Variants in TULP3 observed in about 807,000 individuals in gnomAD.
TULP3 encodes tubby-related protein 3.
Under a neutral mutation model 50.7 loss-of-function variants are expected in TULP3, and 38 were observed. The observed-to-expected ratio is 0.75, with a 90% CI of 0.58 to 0.98. The LOEUF (loss-of-function observed/expected upper bound fraction) is 0.98, where lower values mean the gene tolerates loss of function less well. TULP3 is among the 50% of genes least tolerant of loss of function. TULP3 has a pLI of 0.00. For synonymous variants in TULP3, 183 were observed against 196.6 expected (o/e 0.93, Z 0.58); for missense variants, 550 against 568.0 (o/e 0.97, Z 0.32).
chr12:2,930,180 C>T (rs1289817559), intron 4 of TULP3, 68 bp from the exon 5 acceptor site: 1 of 1,084,020 alleles, frequency 9.2e-7, no homozygotes, highest in African/African-American at 1.6e-5. Flanking sequence ...AAAATTAAAA[C>T]TATCTTTGTT....
At chr12:2,918,387 C>T (rs2098189881) in intron 2 of TULP3, among the ~76,000 whole-genome samples, 1 of 152,032 alleles carries the variant, frequency 6.6e-6, no homozygotes, top group Admixed American at 6.6e-5. Context: ...GCTGGGATTA[C>T]AGGCGTGAGC....
chr12:2,928,061 A>G (rs2098195664), intron 4 of TULP3, among the ~76,000 whole-genome samples: 1 of 152,250 alleles, frequency 6.6e-6, no homozygotes, highest in Non-Finnish European at 1.5e-5. Flanking sequence ...ACAAGAAACA[A>G]TAGAAAACAA....
In TULP3 at chr12:2,931,296, T is replaced by C. The variant is rs917124095; in HGVS notation, c.696+56T>C. 1.8e-5 allele frequency: 28 copies of C among 1,565,792 alleles called. No individual in the cohort carries two copies. In the African/African-American group the frequency reaches 3.7e-4, roughly 20 times the overall value. Reference sequence around the variant, plus strand: ...GAGAGAGAGAAGAATGTTGTGGGAATAGATTGTTGATGGGCCTTAGGGAAC... The same window carrying C: ...GAGAGAGAGAAGAATGTTGTGGGAACAGATTGTTGATGGGCCTTAGGGAAC... On this transcript the variant is annotated intron_variant, in intron 6 of 10. Coordinates refer to ENST00000448120, the MANE Select transcript of TULP3 (RefSeq NM_003324.5).
intron 8 of TULP3, among the ~76,000 whole-genome samples, 163 bp from the exon 9 acceptor site, chr12:2,937,468 C>T (rs865992008): frequency 8.6e-5 from 13 of 151,968 alleles, no homozygotes; most frequent in Middle Eastern, 6.8e-3. Flanking sequence ...CTGCCCACCT[C>T]GGCCTCCCAA....
In TULP3 at chr12:2,890,904, C is replaced by T. The variant is rs373298196; in HGVS notation, c.-44C>T. ...GCCAGCCTAGCCACTCTAGCGACGG[C>T]GGGGAAGAGTGTGTACGTGGTGGGG... On this transcript the variant is annotated 5_prime_UTR_variant, in exon 1 of 11. Coordinates refer to ENST00000448120, the MANE Select transcript of TULP3 (RefSeq NM_003324.5). The T allele has an allele frequency of 9.6e-5, 148 of 1,543,790 alleles. 1 individual carries two copies. The highest frequency in any genetic ancestry group is 1.3e-4 in the Non-Finnish European group (143 of 1,143,906).
intron 9 of TULP3, 138 bp from the exon 10 acceptor site, chr12:2,937,976 A>T: frequency 9.6e-7 from 1 of 1,041,490 alleles, no homozygotes. Context: ...TTTTAAAAAA[A>T]ACCTGTCTTC....
rs2098203880 is a variant in TULP3, at chr12:2,940,224, A to C, written c.*780A>C. On this transcript the variant is annotated 3_prime_UTR_variant, in exon 11 of 11. Coordinates refer to ENST00000448120, the MANE Select transcript of TULP3 (RefSeq NM_003324.5). The stretch of plus-strand genomic sequence containing the variant: ...GCCTCTCACAGCTATATGACTACGG[A>C]TCCATTAGTGAGGAGCGACACACAC... The C allele has an allele frequency of 5.2e-6, 7 of 1,346,596 alleles. No individual in the cohort carries two copies. Among genetic ancestry groups the C allele is most frequent in the Non-Finnish European group, 5.8e-6 (6 of 1,027,448 alleles). 83.4% of individuals were successfully genotyped at this position (1,346,596 alleles called of 1,614,324 possible). A position where few individuals can be genotyped will look rare whatever the true frequency, so the allele number is the denominator to read the frequency against.
chr12:2,901,294 TTC>T (rs200907053), intron 1 of TULP3, among the ~76,000 whole-genome samples: 31,702 of 133,180 alleles, frequency 0.24, 3,987 homozygotes, highest in African/African-American at 0.34. Context: ...GATTTTTTTT[TTC>T]TTTCTTTCTT....
rs928701495 is a variant in TULP3 at position 2,895,962 on chromosome 12, C to T, written c.41+4974C>T. Reference sequence around the variant, plus strand: ...AGAATACTTTTTTTTTTTTTTGAGACGGAGTCGCATCTTTGTTACTCAGGC... The same window carrying T: ...AGAATACTTTTTTTTTTTTTTGAGATGGAGTCGCATCTTTGTTACTCAGGC... On this transcript the variant is annotated intron_variant, in intron 1 of 10. Coordinates refer to ENST00000448120, the MANE Select transcript of TULP3 (RefSeq NM_003324.5). 3.6e-5 allele frequency among the ~76,000 whole-genome samples: 5 copies of T among 138,922 alleles called. No individual in the cohort carries two copies. The East Asian group carries it at 8.4e-4, about 23-fold the overall frequency. 91.1% of individuals were successfully genotyped at this position (138,922 alleles called of 152,430 possible).
chr12:2,936,002 C>A (rs2098201017), intron 8 of TULP3, among the ~76,000 whole-genome samples: 1 of 151,594 alleles, frequency 6.6e-6, no homozygotes, highest in East Asian at 1.9e-4. Context: ...CGTGGTGGCT[C>A]ACGCCTGTAA....
At chr12:2,925,163 G>A (rs1565505120) in intron 4 of TULP3, among the ~76,000 whole-genome samples, 2 of 151,544 alleles carry the variant, frequency 1.3e-5, no homozygotes, top group Middle Eastern at 3.2e-3. Flanking sequence ...GCAAGACTCC[G>A]TCCGTCTCAA....
At chr12:2,930,184 C>A in intron 4 of TULP3, 64 bp from the exon 5 acceptor site, 3 of 1,124,132 alleles carry the variant, frequency 2.7e-6, no homozygotes, top group East Asian at 2.6e-5. Flanking sequence ...TTAAAACTAT[C>A]TTTGTTTCAA....
chr12:2,932,949 T>A (rs537349309), intron 6 of TULP3, among the ~76,000 whole-genome samples: 61 of 150,828 alleles, frequency 4.0e-4, no homozygotes, highest in South Asian at 2.1e-3. Context: ...TTTTATTTTT[T>A]ATTTTTTTTT....
rs774321767 is a variant in TULP3, at chr12:2,933,521, G to C, written c.800G>C (p.Gly267Ala). 3 of 1,610,892 alleles carry C rather than the reference G, an allele frequency of 1.9e-6. No individual in the cohort carries two copies. The South Asian group carries it at 3.3e-5, about 18-fold the overall frequency. ...TCTCGTGAAGGAGAAAGTTATGTCG[G>C]CAAGCTTAGGTGAAAGCAACCTTAG... ...DLSREGESYV[G>A]KLRSNLMGTK... Residue 267 changes from glycine (G) to alanine (A), a missense_variant, in exon 7 of 11, where the codon GGC becomes GCC. Coordinates refer to ENST00000448120, the MANE Select transcript of TULP3 (RefSeq NM_003324.5).
chr12:2,931,112 GA>G lies in TULP3; in HGVS notation c.569del (p.Asp190AlafsTer13). On this transcript the variant is annotated frameshift_variant, in exon 6 of 11. Transcript: ENST00000448120. LOFTEE classifies it high-confidence loss of function. ...CCTGGGAGACATAGACGACCTGGAG[GA>G]CTTTGTGTATAGTCCTGCCCCTCAA... ...NLLGDIDDLE[D>X]FVYSPAPQGV... The G allele has an allele frequency of 6.2e-7, 1 of 1,614,140 alleles. No homozygotes were observed. The highest frequency in any genetic ancestry group is 8.5e-7 in the Non-Finnish European group (1 of 1,180,034).
chr12:2,896,892 A>G (rs1419717248), intron 1 of TULP3, among the ~76,000 whole-genome samples: 3 of 152,212 alleles, frequency 2.0e-5, no homozygotes, highest in African/African-American at 7.2e-5. Context: ...GAAAAATAAT[A>G]TATATTTAAT....
chr12:2,893,312 TTG>T (rs2098173304), intron 1 of TULP3, among the ~76,000 whole-genome samples: 2 of 150,092 alleles, frequency 1.3e-5, no homozygotes, highest in South Asian at 4.2e-4. Flanking sequence ...GGGCTTCAGG[TTG>T]TGTGTTTAAT....
chr12:2,925,409 G>A lies in TULP3; in HGVS notation c.394+3007G>A, dbSNP rs1591534138. On this transcript the variant is annotated intron_variant, in intron 4 of 10. Transcript: ENST00000448120. ...GGAGATGCAGAATTGCTCTGCTAGG[G>A]CAATGAGAAGAGACAAGAGAGGTAC... 2.0e-5 allele frequency among the ~76,000 whole-genome samples: 3 copies of A among 152,284 alleles called. No homozygotes were observed. The South Asian group carries it at 6.2e-4, about 32-fold the overall frequency.
chr12:2,892,753 G>C (rs10744578), intron 1 of TULP3, among the ~76,000 whole-genome samples: 71,819 of 151,374 alleles, frequency 0.47, 17,426 homozygotes, highest in African/African-American at 0.59. Flanking sequence ...CTGGTGATCT[G>C]CCCACCTCGG....
Sources: gnomAD v4.1 joint callset for allele counts (sites outside exome capture counted in the v4.1 genomes callset) on GRCh38, gnomAD v4.1.1 for gene constraint, MANE v1.5 for transcripts, NCBI Gene and HGNC (gene_info 2026-07-23, HGNC 2026-07-21) for gene names.